Variants in PALLD observed in about 807,000 individuals in gnomAD.
The protein encoded by PALLD is palladin, cytoskeletal associated protein.
PALLD carries 61 observed loss-of-function variants against 123.5 expected under a neutral mutation model. That is an observed-to-expected ratio of 0.49 (90% CI 0.40 to 0.61). The LOEUF (loss-of-function observed/expected upper bound fraction) is 0.61. Among genes scored for constraint, PALLD ranks in the 20% least tolerant of loss-of-function variants. The pLI, the probability that PALLD is intolerant of heterozygous loss-of-function variation, is 0.00. For synonymous variants in PALLD, 465 were observed against 496.4 expected, an observed-to-expected ratio of 0.94 and a Z score of 0.84; for missense variants, 1,273 against 1,377.0, an observed-to-expected ratio of 0.92 and a Z score of 1.20.
intron 15 of PALLD, among the ~76,000 whole-genome samples, chr4:168,905,962 G>A (rs1757708047): frequency 6.6e-6 from 1 of 151,604 alleles, no homozygotes; most frequent in African/African-American, 2.4e-5. Context: ...AATAGAGACG[G>A]GGTTTCACCT....
At chr4:168,825,689 G>A (rs1009245715) in intron 10 of PALLD, among the ~76,000 whole-genome samples, 12 of 151,992 alleles carry the variant, frequency 7.9e-5, no homozygotes, top group African/African-American at 2.7e-4. Context: ...TTCTGAAAAC[G>A]GCGCTGCAAC....
intron 10 of PALLD, among the ~76,000 whole-genome samples, chr4:168,853,422 C>T (rs936422928): frequency 1.3e-5 from 2 of 152,036 alleles, no homozygotes; most frequent in African/African-American, 2.4e-5. Context: ...GGCCTGGGTG[C>T]GTGGAATTAT....
chr4:168,601,642 G>T (rs1454351065), intron 2 of PALLD, among the ~76,000 whole-genome samples: 3 of 152,138 alleles, frequency 2.0e-5, no homozygotes, highest in Non-Finnish European at 2.9e-5. Context: ...TAAGTTGTCT[G>T]ATAATCTAAC....
Position 168,598,834 on chromosome 4 carries a change from A to G in PALLD, c.909-69356A>G, listed in dbSNP as rs570163365. On this transcript the variant is annotated intron_variant, in intron 2 of 21. Coordinates refer to ENST00000505667, the MANE Select transcript of PALLD (RefSeq NM_001166108.2). Reference sequence around the variant, plus strand: ...AGCATACAGCAACAGCAAAATCACAATTCACTTCTGTATATCAAAATAATT... The same window carrying G: ...AGCATACAGCAACAGCAAAATCACAGTTCACTTCTGTATATCAAAATAATT... 4.7e-5 allele frequency: 11 copies of G among 235,522 alleles called. No homozygotes were observed. In the Admixed American group the frequency reaches 5.7e-4, roughly 12 times the overall value. 14.6% of individuals were successfully genotyped at this position (235,522 alleles called of 1,614,324 possible). A position where few individuals can be genotyped will look rare whatever the true frequency, so the allele number is the denominator to read the frequency against.
At chr4:168,542,063 C>T (rs1382470742) in intron 2 of PALLD, among the ~76,000 whole-genome samples, 1 of 152,144 alleles carries the variant, frequency 6.6e-6, no homozygotes, top group African/African-American at 2.4e-5. Flanking sequence ...GTTTCCCAAA[C>T]TGGTCTCATC....
intron 2 of PALLD, among the ~76,000 whole-genome samples, chr4:168,533,898 C>T (rs990926276): frequency 6.6e-6 from 1 of 152,088 alleles, no homozygotes; most frequent in African/African-American, 2.4e-5. Flanking sequence ...GCCACATTGA[C>T]GAAGACAAGA....
At chr4:168,581,665 C>T (rs1372338318) in intron 2 of PALLD, among the ~76,000 whole-genome samples, 1 of 152,006 alleles carries the variant, frequency 6.6e-6, no homozygotes, top group Non-Finnish European at 1.5e-5. Context: ...GATATTAACT[C>T]CTTACCAGAT....
In PALLD at chr4:168,554,680, C is replaced by A. The variant is rs573802807; in HGVS notation, c.908+42268C>A. Reference sequence around the variant, plus strand: ...TTTTGTTATGGAGCAATTTGAAAGTCTTTAATGCTCCATATATAAAGAAAC... The same window carrying A: ...TTTTGTTATGGAGCAATTTGAAAGTATTTAATGCTCCATATATAAAGAAAC... On this transcript the variant is annotated intron_variant, in intron 2 of 21. Coordinates refer to ENST00000505667, the MANE Select transcript of PALLD (RefSeq NM_001166108.2). Among the ~76,000 whole-genome samples the A allele has an allele frequency of 5.9e-5, 9 of 152,258 alleles. No individual in the cohort carries two copies. The South Asian group carries it at 1.0e-3, about 18-fold the overall frequency.
At chr4:168,589,729 T>C (rs1363454328) in intron 2 of PALLD, among the ~76,000 whole-genome samples, 1 of 152,220 alleles carries the variant, frequency 6.6e-6, no homozygotes, top group Non-Finnish European at 1.5e-5. Context: ...ATCCAGATAT[T>C]AGTTGAGCCT....
chr4:168,601,985 A>T (rs142468992), intron 2 of PALLD, among the ~76,000 whole-genome samples: 1 of 152,010 alleles, frequency 6.6e-6, no homozygotes, highest in Non-Finnish European at 1.5e-5. Flanking sequence ...CTTTCTAACC[A>T]CTCAATCTAA....
chr4:168,519,047 T>G (rs1393754231), intron 2 of PALLD, among the ~76,000 whole-genome samples: 1 of 152,234 alleles, frequency 6.6e-6, no homozygotes, highest in Non-Finnish European at 1.5e-5. Flanking sequence ...AAAAGCAAGT[T>G]GTAAAAACTT....
chr4:168,629,088 C>T (rs540337235), intron 2 of PALLD, among the ~76,000 whole-genome samples: 47 of 151,326 alleles, frequency 3.1e-4, no homozygotes, highest in African/African-American at 1.1e-3. Context: ...GCGATCTCAG[C>T]TCACTGCAAT....
intron 1 of PALLD, among the ~76,000 whole-genome samples, chr4:168,501,437 A>G (rs1235214324): frequency 1.3e-5 from 2 of 152,106 alleles, no homozygotes; most frequent in Non-Finnish European, 2.9e-5. Flanking sequence ...AGAATGAGAT[A>G]TGCCCAGGGA....
intron 2 of PALLD, among the ~76,000 whole-genome samples, chr4:168,645,617 T>A (rs184459774): frequency 2.0e-5 from 3 of 152,306 alleles, no homozygotes; most frequent in African/African-American, 4.8e-5. Flanking sequence ...CTCATGGGGT[T>A]TCTGAGAGGG....
intron 2 of PALLD, among the ~76,000 whole-genome samples, chr4:168,666,558 G>A (rs1779677140): frequency 6.6e-6 from 1 of 152,120 alleles, no homozygotes; most frequent in Non-Finnish European, 1.5e-5. Flanking sequence ...AAAGTAGGCA[G>A]GTAATATTTG....
intron 10 of PALLD, among the ~76,000 whole-genome samples, chr4:168,746,731 G>C (rs77069146): frequency 6.6e-6 from 1 of 152,080 alleles, no homozygotes. Flanking sequence ...GAAACAAGTT[G>C]ATACATCAAG....
chr4:168,853,245 T>C lies in PALLD; in HGVS notation c.1965-37677T>C, dbSNP rs941319682. On this transcript the variant is annotated intron_variant, in intron 10 of 21. Transcript: ENST00000505667. ...TACAGACATTTTTTTCCTTAGAAAT[T>C]TTGGCCTTAAAAGTCAAATACAGGT... Among the ~76,000 whole-genome samples, 5 of 152,168 alleles carry C rather than the reference T, an allele frequency of 3.3e-5. No homozygotes were observed. In the East Asian group the frequency reaches 9.6e-4, roughly 29 times the overall value.
chr4:168,685,247 G>T (rs1484987669), intron 5 of PALLD, among the ~76,000 whole-genome samples: 2 of 152,170 alleles, frequency 1.3e-5, no homozygotes, highest in Non-Finnish European at 2.9e-5. Flanking sequence ...GGATCCCCAA[G>T]GACCCAGGGA....
In PALLD at chr4:168,862,990, C is replaced by T. The variant is rs1749718359; in HGVS notation, c.1965-27932C>T. Among the ~76,000 whole-genome samples, 4 of 152,140 alleles carry T rather than the reference C, an allele frequency of 2.6e-5. No individual in the cohort carries two copies. The South Asian group carries it at 6.2e-4, about 24-fold the overall frequency. ...GTGACATTGAGAACACGTGAGGCCA[C>T]CCACACCTTCTCTGCCCTTCACCAG... is the stretch of plus-strand genomic sequence containing the variant. On this transcript the variant is annotated intron_variant, in intron 10 of 21. Coordinates refer to ENST00000505667, the MANE Select transcript of PALLD (RefSeq NM_001166108.2).
Sources: allele counts gnomAD v4.1 joint callset (sites outside exome capture counted in the v4.1 genomes callset), GRCh38; gene constraint gnomAD v4.1.1; transcripts MANE v1.5; gene names NCBI Gene and HGNC (gene_info 2026-07-23, HGNC 2026-07-21).